Variants in COL4A1 observed in about 807,000 individuals in gnomAD.
COL4A1 encodes collagen alpha-1(IV) chain.
COL4A1 carries 40 observed loss-of-function variants against 216.6 expected under a neutral mutation model. The ratio of observed to expected loss-of-function variants is 0.18; its 90% confidence interval spans 0.14 to 0.24. COL4A1 has a LOEUF of 0.24. Ranked by LOEUF, COL4A1 falls within the 10% of genes least tolerant of loss-of-function variation. The pLI, the probability that COL4A1 is intolerant of heterozygous loss-of-function variation, is 1.00. For synonymous variants in COL4A1, 839 were observed against 810.7 expected, an observed-to-expected ratio of 1.03 and a Z score of -0.59; for missense variants, 1,628 against 2,196.8, an observed-to-expected ratio of 0.74 and a Z score of 5.18.
chr13:110,269,408 T>C (rs1194497856), intron 1 of COL4A1, among the ~76,000 whole-genome samples: 2 of 152,234 alleles, frequency 1.3e-5, no homozygotes, highest in Non-Finnish European at 2.9e-5. Context: ...GCTGCAAGAT[T>C]GGGCCTGTAG....
chr13:110,192,307 A>G (rs765923153), intron 23 of COL4A1, 23 bp from the exon 24 acceptor site: 1 of 1,609,358 alleles, frequency 6.2e-7, no homozygotes, highest in Non-Finnish European at 8.5e-7. Flanking sequence ...AGAGGGAAAA[A>G]GACAGCAACA....
chr13:110,194,175 G>A (rs1200728881), intron 22 of COL4A1, among the ~76,000 whole-genome samples: 1 of 152,210 alleles, frequency 6.6e-6, no homozygotes, highest in Non-Finnish European at 1.5e-5. Flanking sequence ...CTGTGATGAC[G>A]CCCAAGATCG....
intron 1 of COL4A1, among the ~76,000 whole-genome samples, chr13:110,255,508 C>T (rs1420226805): frequency 2.4e-5 from 3 of 127,444 alleles, no homozygotes; most frequent in Admixed American, 8.5e-5. Flanking sequence ...AATGAAAGAA[C>T]GGTGATTCCA....
At chr13:110,154,610 A>G (rs1041349300) in intron 50 of COL4A1, among the ~76,000 whole-genome samples, 2 of 152,394 alleles carry the variant, frequency 1.3e-5, no homozygotes, top group South Asian at 4.1e-4. Flanking sequence ...AGTTGGTCAC[A>G]TGGAGAAGCT....
At chr13:110,156,545 A>G (rs1047621671) in intron 49 of COL4A1, among the ~76,000 whole-genome samples, 15 of 152,232 alleles carry the variant, frequency 9.9e-5, no homozygotes, top group Non-Finnish European at 1.6e-4. Flanking sequence ...TCCCAAGGAC[A>G]GGATGCCTCC....
At chr13:110,174,910 G>A (rs144171899) in intron 37 of COL4A1, among the ~76,000 whole-genome samples, 161 bp from the exon 38 acceptor site, 2 of 152,296 alleles carry the variant, frequency 1.3e-5, no homozygotes, top group East Asian at 3.9e-4. Context: ...CTTCTGAATG[G>A]AGAGGAAAAC....
intron 2 of COL4A1, among the ~76,000 whole-genome samples, chr13:110,233,566 G>A (rs1242709321): frequency 6.6e-6 from 1 of 152,148 alleles, no homozygotes; most frequent in Non-Finnish European, 1.5e-5. Flanking sequence ...GAGTCTGGAC[G>A]TTGGTAAGTA....
At chr13:110,253,690 A>T (rs60283179) in intron 1 of COL4A1, among the ~76,000 whole-genome samples, 2 of 107,044 alleles carry the variant, frequency 1.9e-5, no homozygotes, top group Non-Finnish European at 4.4e-5. Flanking sequence ...TTACATATAC[A>T]TATAATTATA....
At position 110,152,514 on chromosome 13, in the gene COL4A1, A is replaced by C. The variant is rs1172295706; in HGVS notation, c.4756-8T>G. On this transcript the variant is annotated splice_region_variant and splice_polypyrimidine_tract_variant and intron_variant, in intron 50 of 51. Transcript: ENST00000375820. Reference sequence around the variant, plus strand: ...TGCACCAGCGCTGGTGTGCTGCAGAACAGATGCGAGCCGTGAGTCAGAGGT... The same window carrying C: ...TGCACCAGCGCTGGTGTGCTGCAGACCAGATGCGAGCCGTGAGTCAGAGGT... 1 of 1,607,974 alleles carries C rather than the reference A, an allele frequency of 6.2e-7. No individual in the cohort carries two copies. The highest frequency in any genetic ancestry group is 8.5e-7 in the Non-Finnish European group (1 of 1,179,212).
At position 110,210,119 on chromosome 13, in the gene COL4A1, A is replaced by T; in HGVS notation, c.552+10T>A. On this transcript the variant is annotated intron_variant, in intron 9 of 51. Coordinates refer to ENST00000375820, the MANE Select transcript of COL4A1 (RefSeq NM_001845.6). ...TGGCACATGTTCATAATGATTCAGC[A>T]AATGCTTACTGGAGTCCCTGGGATT... is the stretch of plus-strand genomic sequence containing the variant. 6.2e-7 allele frequency: 1 copy of T among 1,614,114 alleles called. No individual in the cohort carries two copies. The highest frequency in any genetic ancestry group is 2.2e-5 in the East Asian group (1 of 44,868).
At chr13:110,201,732 C>T (rs765284655) in intron 18 of COL4A1, 1 of 705,376 alleles carries the variant, frequency 1.4e-6, no homozygotes, top group South Asian at 1.4e-5. Flanking sequence ...GCCTGTAATC[C>T]CAGCACTTTG....
rs572779381 is a variant in COL4A1 at position 110,149,877 on chromosome 13, T to G, written c.*486A>C. On this transcript the variant is annotated 3_prime_UTR_variant, in exon 52 of 52. Coordinates refer to ENST00000375820, the MANE Select transcript of COL4A1 (RefSeq NM_001845.6). Reference sequence around the variant, plus strand: ...ATGGCTACTGAGTCTGTAATTCCATTTGGAGGTTCAAAAAACCATTTTTAC... The same window carrying G: ...ATGGCTACTGAGTCTGTAATTCCATGTGGAGGTTCAAAAAACCATTTTTAC... 111 of 186,348 alleles carry G rather than the reference T, an allele frequency of 6.0e-4. No homozygotes were observed. The highest frequency in any genetic ancestry group is 2.6e-3 in the African/African-American group (110 of 42,288). 11.5% of individuals were successfully genotyped at this position (186,348 alleles called of 1,614,324 possible). A position where few individuals can be genotyped will look rare whatever the true frequency, so the allele number is the denominator to read the frequency against.
At position 110,201,529 on chromosome 13, in the gene COL4A1, C is replaced by A. The variant is rs762670280; in HGVS notation, c.1000-7G>T. The A allele has an allele frequency of 8.7e-6, 14 of 1,613,582 alleles. No individual in the cohort carries two copies. The African/African-American group carries it at 1.1e-4, about 12-fold the overall frequency. On this transcript the variant is annotated splice_region_variant and splice_polypyrimidine_tract_variant and intron_variant, in intron 18 of 51. Transcript: ENST00000375820. The stretch of plus-strand genomic sequence containing the variant: ...AAGGTCCTGTGCCTATAACCTGAAT[C>A]GAGAAGGAAAAGGTGATCATCCCGT...
intron 51 of COL4A1, 80 bp downstream of exon 51, chr13:110,152,254 G>T: frequency 6.3e-7 from 1 of 1,580,434 alleles, no homozygotes. Flanking sequence ...TGCATTGGAA[G>T]GTGTTACGGA....
intron 1 of COL4A1, among the ~76,000 whole-genome samples, chr13:110,303,993 G>T (rs2139327119): frequency 6.6e-6 from 1 of 152,306 alleles, no homozygotes; most frequent in South Asian, 2.1e-4. Flanking sequence ...AAAATGTAAG[G>T]TCCTCTGGTG....
At chr13:110,228,245 G>GGC (rs1164411940) in intron 2 of COL4A1, among the ~76,000 whole-genome samples, 1 of 148,028 alleles carries the variant, frequency 6.8e-6, no homozygotes, top group African/African-American at 2.5e-5. Flanking sequence ...GGCGGGGGGG[G>GGC]GGTCTACATC....
intron 1 of COL4A1, among the ~76,000 whole-genome samples, chr13:110,255,868 G>T (rs1594095514): frequency 1.5e-5 from 1 of 65,336 alleles, no homozygotes. Flanking sequence ...GGAAGGGAGG[G>T]GGAAGGCAGG....
At chr13:110,277,371 G>A (rs1185748485) in intron 1 of COL4A1, among the ~76,000 whole-genome samples, 1 of 152,156 alleles carries the variant, frequency 6.6e-6, no homozygotes, top group African/African-American at 2.4e-5. Flanking sequence ...GTCTTTGCCT[G>A]AAACCTGTGA....
intron 1 of COL4A1, among the ~76,000 whole-genome samples, chr13:110,247,929 T>C (rs1476353820): frequency 2.0e-5 from 3 of 151,528 alleles, no homozygotes; most frequent in African/African-American, 7.3e-5. Context: ...ATATTTGGAA[T>C]GAGTTAAACA....
Sources: gnomAD v4.1 joint callset for allele counts (sites outside exome capture counted in the v4.1 genomes callset) on GRCh38, gnomAD v4.1.1 for gene constraint, MANE v1.5 for transcripts, NCBI Gene and HGNC (gene_info 2026-07-23, HGNC 2026-07-21) for gene names.